Variants in SCUBE1 observed in about 807,000 individuals in gnomAD.
SCUBE1 encodes the protein signal peptide, CUB domain and EGF like domain containing 1, also known as signal peptide, CUB and EGF-like domain-containing protein 1.
A neutral mutation model predicts 124.4 loss-of-function variants in SCUBE1; 59 were observed. The observed-to-expected ratio is 0.47, with a 90% CI of 0.38 to 0.59. The LOEUF (loss-of-function observed/expected upper bound fraction) is 0.59. Ranked by LOEUF, SCUBE1 falls within the 20% of genes least tolerant of loss-of-function variation. The pLI, the probability that SCUBE1 is intolerant of heterozygous loss-of-function variation, is 0.00. For missense variants in SCUBE1, 1,150 were observed against 1,371.2 expected (o/e 0.84, Z 2.55); for synonymous variants, 545 against 550.9 (o/e 0.99, Z 0.15).
intron 4 of SCUBE1, among the ~76,000 whole-genome samples, chr22:43,271,097 T>C (rs1480421085): frequency 1.3e-5 from 2 of 152,230 alleles, no homozygotes; most frequent in Non-Finnish European, 2.9e-5. Context: ...TGGCAACTTC[T>C]GGCTAGTTAC....
chr22:43,275,301 C>T (rs939577006), intron 4 of SCUBE1, among the ~76,000 whole-genome samples: 6 of 152,196 alleles, frequency 3.9e-5, no homozygotes, highest in African/African-American at 1.4e-4. Flanking sequence ...CAAACCACGA[C>T]GCGCTGGGCG....
chr22:43,319,558 CAAAAAA>C (rs35230785), intron 3 of SCUBE1, among the ~76,000 whole-genome samples: 1 of 55,214 alleles, frequency 1.8e-5, no homozygotes, highest in African/African-American at 8.3e-5. Context: ...GACTCCATCT[CAAAAAA>C]AAAAAAAAAA....
intron 3 of SCUBE1, among the ~76,000 whole-genome samples, chr22:43,311,637 G>C (rs1423584247): frequency 5.3e-5 from 8 of 151,630 alleles, no homozygotes. Flanking sequence ...ATGTTGGTCA[G>C]GCTGGTCTCG....
chr22:43,215,488 A>G (rs1283063468), intron 15 of SCUBE1, among the ~76,000 whole-genome samples: 1 of 152,218 alleles, frequency 6.6e-6, no homozygotes, highest in Non-Finnish European at 1.5e-5. Context: ...GGAGGAGAAT[A>G]TTGGTCCAAA....
chr22:43,264,766 G>A (rs975968863), intron 4 of SCUBE1, among the ~76,000 whole-genome samples: 3 of 152,204 alleles, frequency 2.0e-5, no homozygotes, highest in Admixed American at 2.0e-4. Flanking sequence ...CAGCCCCCGA[G>A]GGTGCTCCAT....
At position 43,210,216 on chromosome 22, in the gene SCUBE1, C is replaced by A; in HGVS notation, c.2408G>T (p.Gly803Val). 3 of 1,569,388 alleles carry A rather than the reference C, an allele frequency of 1.9e-6. No individual in the cohort carries two copies. Among genetic ancestry groups the A allele is most frequent in the South Asian group, 2.3e-5 (2 of 85,180 alleles). ...GGACTCGATGTAGCCGGTGTAGTCA[C>A]CAAGCTCGCCGCCGCAGTGCTGGTC... ...CKNQHCGGEL[G>V]DYTGYIESPN... is the part of the protein sequence containing the mutation. The change falls in exon 19 of 22, where the codon GGT becomes GTT. Residue 803 changes from glycine (G) to valine (V), a missense_variant. Gly to Val is a moderately radical substitution (Grantham distance 109). Coordinates refer to ENST00000360835, the MANE Select transcript of SCUBE1 (RefSeq NM_173050.5). The surrounding 1 kb of genome is among the most constrained non-coding windows in gnomAD (Gnocchi z 4.5).
At chr22:43,248,316 G>C (rs1486726809) in intron 6 of SCUBE1, among the ~76,000 whole-genome samples, 6 of 152,198 alleles carry the variant, frequency 3.9e-5, no homozygotes, top group Non-Finnish European at 8.8e-5. Context: ...AGGTGGCCTG[G>C]GTGGGCCACA....
chr22:43,239,043 G>T, intron 6 of SCUBE1, 89 bp from the exon 7 acceptor site: 1 of 1,037,324 alleles, frequency 9.6e-7, no homozygotes, highest in Non-Finnish European at 1.5e-6. Context: ...TATGAGACAG[G>T]AGACGAGACC....
intron 3 of SCUBE1, among the ~76,000 whole-genome samples, chr22:43,308,598 G>C (rs2146771997): frequency 6.6e-6 from 1 of 152,288 alleles, no homozygotes; most frequent in East Asian, 1.9e-4. Flanking sequence ...AGGACAAGAG[G>C]GCCTCCTTTA....
Position 43,231,828 on chromosome 22 carries a change from G to A in SCUBE1, c.892C>T (p.Arg298Cys), listed in dbSNP as rs376402819. Residue 298 changes from arginine to cysteine, a missense_variant, in exon 8 of 22, where the codon CGC becomes TGC. This residue lies in a region of SCUBE1 where 337 missense variants were observed against 482.1 expected (regional missense o/e 0.70). Transcript: ENST00000360835. ...CACTCGAAGCTGCCCACGGTGTTGC[G>A]GCAGAAGTGGTCGCAGCCTCCGTTG... ...VNNGGCDHFC[R>C]NTVGSFECGC... 1.9e-6 allele frequency: 3 copies of A among 1,613,352 alleles called. No homozygotes were observed. The highest frequency in any genetic ancestry group is 1.1e-5 in the South Asian group (1 of 91,074).
chr22:43,299,991 G>C (rs568492076), intron 3 of SCUBE1, among the ~76,000 whole-genome samples: 1 of 152,288 alleles, frequency 6.6e-6, no homozygotes, highest in Admixed American at 6.5e-5. Flanking sequence ...GTATTCTATT[G>C]CATGGACAGA....
chr22:43,223,364 C>T lies in SCUBE1; in HGVS notation c.1208-148G>A, dbSNP rs547380375. ...GCTTGGTGGGAAGGCGCCTGGAGATCGCAGGTCCCTTGGGCGTGTGGGGAT... is the reference window on the plus strand; with the variant it reads ...GCTTGGTGGGAAGGCGCCTGGAGATTGCAGGTCCCTTGGGCGTGTGGGGAT... On this transcript the variant is annotated intron_variant, in intron 10 of 21. Coordinates refer to ENST00000360835, the MANE Select transcript of SCUBE1 (RefSeq NM_173050.5). 68 of 838,666 alleles carry T rather than the reference C, an allele frequency of 8.1e-5. No homozygotes were observed. The South Asian group carries it at 1.0e-3, about 13-fold the overall frequency. 52.0% of individuals were successfully genotyped at this position (838,666 alleles called of 1,614,324 possible). A position where few individuals can be genotyped will look rare whatever the true frequency, so the allele number is the denominator to read the frequency against.
chr22:43,326,545 A>G (rs1036440529), intron 2 of SCUBE1, among the ~76,000 whole-genome samples: 1 of 152,174 alleles, frequency 6.6e-6, no homozygotes, highest in Non-Finnish European at 1.5e-5. Context: ...GGCCCCTGGC[A>G]TCCATCGATC....
chr22:43,290,921 T>C, intron 4 of SCUBE1, 125 bp downstream of exon 4: 1 of 1,109,752 alleles, frequency 9.0e-7, no homozygotes, highest in Non-Finnish European at 1.2e-6. Context: ...AAACAGTCAT[T>C]CAGACTACCA....
In SCUBE1 at chr22:43,203,721, T is replaced by G. The variant is rs1005293545; in HGVS notation, c.*276A>C. On this transcript the variant is annotated 3_prime_UTR_variant, in exon 22 of 22. Coordinates refer to ENST00000360835, the MANE Select transcript of SCUBE1 (RefSeq NM_173050.5). ...CAGAGGGTCCTGCAATCCTGCTACC[T>G]GCAGTCGGTCTGCCAGGGCTCAGGA... 1.0e-5 allele frequency: 4 copies of G among 382,684 alleles called. No homozygotes were observed. Among genetic ancestry groups the G allele is most frequent in the African/African-American group, 4.2e-5 (2 of 48,000 alleles). The allele number at this position is 382,684 out of a possible 1,614,324, so 23.7% of individuals were successfully genotyped here.
At chr22:43,285,847 A>C (rs1412231063) in intron 4 of SCUBE1, among the ~76,000 whole-genome samples, 2 of 152,248 alleles carry the variant, frequency 1.3e-5, no homozygotes, top group African/African-American at 4.8e-5. Context: ...CCGATGAATG[A>C]GGGACGATGG....
intron 6 of SCUBE1, among the ~76,000 whole-genome samples, chr22:43,243,449 C>T (rs1923084800): frequency 6.6e-6 from 1 of 152,256 alleles, no homozygotes; most frequent in African/African-American, 2.4e-5. Flanking sequence ...GGGCTGGGCC[C>T]TGCAGGGGAG....
At chr22:43,262,650 G>T in intron 5 of SCUBE1, 70 bp downstream of exon 5, 4 of 1,592,350 alleles carry the variant, frequency 2.5e-6, no homozygotes, top group Non-Finnish European at 3.4e-6. Flanking sequence ...CAGCAGACTG[G>T]ACAGACCCTC....
At chr22:43,336,731 T>C (rs1032793017) in intron 2 of SCUBE1, among the ~76,000 whole-genome samples, 2 of 152,202 alleles carry the variant, frequency 1.3e-5, no homozygotes, top group Non-Finnish European at 2.9e-5. Context: ...TAGGTACCCA[T>C]TGCAGTCTAG....
Sources: allele counts gnomAD v4.1 joint callset (sites outside exome capture counted in the v4.1 genomes callset), GRCh38; gene constraint gnomAD v4.1.1; regional missense constraint gnomAD v4.1.1; non-coding constraint Gnocchi (gnomAD v3.1); transcripts MANE v1.5; gene names NCBI Gene and HGNC (gene_info 2026-07-23, HGNC 2026-07-21).